The following SPATA16 variants were observed in gnomAD, a reference collection of about 807,000 sequenced individuals.
SPATA16 encodes spermatogenesis associated 16.
Under a neutral mutation model 63.3 loss-of-function variants are expected in SPATA16, and 36 were observed. The ratio of observed to expected loss-of-function variants is 0.57; its 90% CI spans 0.44 to 0.75. The LOEUF is 0.75. Among genes scored for constraint, SPATA16 ranks in the 30% least tolerant of loss-of-function variants. The pLI, the probability that SPATA16 is intolerant of heterozygous loss-of-function variation, is 0.00. For synonymous variants in SPATA16, 203 were observed against 216.7 expected, an observed-to-expected ratio of 0.94 and a Z score of 0.56; for missense variants, 646 against 679.3, an observed-to-expected ratio of 0.95 and a Z score of 0.54.
Position 172,913,749 on chromosome 3 carries a change from G to T in SPATA16, c.1504-5C>A. The T allele has an allele frequency of 6.2e-7, 1 of 1,612,564 alleles. No homozygotes were observed. On this transcript the variant is annotated splice_polypyrimidine_tract_variant and splice_region_variant and intron_variant, in intron 9 of 10. Coordinates refer to ENST00000351008, the MANE Select transcript of SPATA16 (RefSeq NM_031955.6). The stretch of plus-strand genomic sequence containing the variant: ...ATCTGCCATTAGTGACTGCAGCTGT[G>T]GCACCAAGATAAAAATTATCAGTGT...
chr3:173,126,184 T>A (rs373247084), intron 1 of SPATA16, among the ~76,000 whole-genome samples: 3 of 152,352 alleles, frequency 2.0e-5, no homozygotes, highest in African/African-American at 7.2e-5. Flanking sequence ...GCATGGCTTA[T>A]TCAGAACCAG....
At chr3:173,057,742 G>C (rs1027269411) in intron 2 of SPATA16, among the ~76,000 whole-genome samples, 3 of 152,180 alleles carry the variant, frequency 2.0e-5, no homozygotes, top group African/African-American at 7.2e-5. Flanking sequence ...ATTAAGTACA[G>C]AAACGGAGTA....
chr3:173,066,191 A>G (rs942963969), intron 2 of SPATA16, among the ~76,000 whole-genome samples: 2 of 151,608 alleles, frequency 1.3e-5, no homozygotes, highest in Non-Finnish European at 2.9e-5. Context: ...GGTGCTGGAT[A>G]GCATTTCTAG....
intron 8 of SPATA16, among the ~76,000 whole-genome samples, chr3:172,919,432 C>T (rs938631958): frequency 6.6e-6 from 1 of 152,122 alleles, no homozygotes; most frequent in Non-Finnish European, 1.5e-5. Flanking sequence ...CTAGAATCAT[C>T]CTTGTTTGGC....
At chr3:172,964,272 G>A (rs1733856554) in intron 5 of SPATA16, among the ~76,000 whole-genome samples, 1 of 152,102 alleles carries the variant, frequency 6.6e-6, no homozygotes, top group Non-Finnish European at 1.5e-5. Flanking sequence ...AACATGCTTA[G>A]GTCAGTCTAG....
rs1734788341 is a variant in SPATA16, at chr3:173,000,349, C to T, written c.848+19137G>A. Among the ~76,000 whole-genome samples the T allele has an allele frequency of 2.0e-5, 3 of 152,154 alleles. No homozygotes were observed. In the South Asian group the frequency reaches 6.2e-4, roughly 32 times the overall value. On this transcript the variant is annotated intron_variant, in intron 4 of 10. Transcript: ENST00000351008. ...ATTTTGTTAGAGTAACCCAAATAGA[C>T]TGAGATAGTGATTTTTTTTCTCTCA...
chr3:173,072,178 A>T (rs1736691160), intron 2 of SPATA16, among the ~76,000 whole-genome samples: 1 of 152,166 alleles, frequency 6.6e-6, no homozygotes, highest in Admixed American at 6.5e-5. Context: ...GCCCATAAAC[A>T]GAGGATTGGA....
intron 4 of SPATA16, among the ~76,000 whole-genome samples, chr3:173,006,871 C>T (rs1000543565): frequency 6.6e-6 from 1 of 152,032 alleles, no homozygotes; most frequent in Non-Finnish European, 1.5e-5. Flanking sequence ...AAATAAGCTG[C>T]TGCTTGGCAA....
At chr3:172,896,288 T>C (rs1732006742) in intron 10 of SPATA16, among the ~76,000 whole-genome samples, 1 of 152,234 alleles carries the variant, frequency 6.6e-6, no homozygotes, top group Non-Finnish European at 1.5e-5. Context: ...TGGCGTGATC[T>C]CGGCTCACTG....
At chr3:172,978,159 CTCTA>C (rs988608878) in intron 4 of SPATA16, among the ~76,000 whole-genome samples, 9 of 148,280 alleles carry the variant, frequency 6.1e-5, no homozygotes, top group African/African-American at 7.6e-5. Context: ...CTCTCTCTCT[CTCTA>C]TATATATATA....
chr3:172,920,236 C>T (rs908179688), intron 8 of SPATA16, among the ~76,000 whole-genome samples: 5 of 152,142 alleles, frequency 3.3e-5, no homozygotes, highest in African/African-American at 1.2e-4. Context: ...CACAATGTCA[C>T]CAAATTGTGA....
At position 172,970,280 on chromosome 3, in the gene SPATA16, C is replaced by G. The variant is rs147125279; in HGVS notation, c.933+6688G>C. Among the ~76,000 whole-genome samples the G allele has an allele frequency of 3.6e-3, 553 of 152,206 alleles. 3 individuals are homozygous for G. Among genetic ancestry groups the G allele is most frequent in the African/African-American group, 0.013 (540 of 41,536 alleles). On this transcript the variant is annotated intron_variant, in intron 5 of 10. Transcript: ENST00000351008. ...TCCATTGTCTTCGAAAGGTACTTCT[C>G]GTTGGCCTACATTTCCTATATTTCT...
At chr3:172,907,994 T>C (rs11915984) in intron 10 of SPATA16, among the ~76,000 whole-genome samples, 19,849 of 152,208 alleles carry the variant, frequency 0.13, 1,840 homozygotes, top group African/African-American at 0.26. Context: ...TTCTCCCCCA[T>C]GGGGCATTCA....
intron 2 of SPATA16, among the ~76,000 whole-genome samples, chr3:173,096,525 T>C (rs1737352560): frequency 6.6e-6 from 1 of 152,142 alleles, no homozygotes; most frequent in Admixed American, 6.6e-5. Context: ...TACACTCTGA[T>C]TGTCTAAACC....
intron 2 of SPATA16, among the ~76,000 whole-genome samples, chr3:173,077,131 A>G (rs1422990409): frequency 6.6e-6 from 1 of 152,208 alleles, no homozygotes; most frequent in African/African-American, 2.4e-5. Flanking sequence ...GTTCAATATC[A>G]TATGGCTCAT....
intron 4 of SPATA16, among the ~76,000 whole-genome samples, chr3:173,019,245 A>G (rs754640164): frequency 1.3e-5 from 2 of 152,174 alleles, no homozygotes; most frequent in Non-Finnish European, 2.9e-5. Flanking sequence ...AAGTTTTTCC[A>G]TCATCATCAG....
intron 4 of SPATA16, among the ~76,000 whole-genome samples, chr3:172,983,748 A>AAAACACACACTCACACACAC (rs1734375921): frequency 6.6e-6 from 1 of 151,392 alleles, no homozygotes; most frequent in Non-Finnish European, 1.5e-5. Context: ...CACACACACA[A>AAAACACACACTCACACACAC]ACACACACAC....
intron 2 of SPATA16, among the ~76,000 whole-genome samples, chr3:173,069,973 G>A (rs904240186): frequency 1.3e-5 from 2 of 151,822 alleles, no homozygotes; most frequent in African/African-American, 2.4e-5. Context: ...AAAAAACTGG[G>A]TGTAGAGGGC....
chr3:172,906,236 G>A (rs538205452), intron 10 of SPATA16, among the ~76,000 whole-genome samples: 1 of 152,098 alleles, frequency 6.6e-6, no homozygotes, highest in Non-Finnish European at 1.5e-5. Context: ...AAAATCATGG[G>A]ATCTAAAAGT....
Sources: gnomAD v4.1 joint callset for allele counts (sites outside exome capture counted in the v4.1 genomes callset) on GRCh38, gnomAD v4.1.1 for gene constraint, MANE v1.5 for transcripts, NCBI Gene and HGNC (gene_info 2026-07-23, HGNC 2026-07-21) for gene names.